Variants in ARHGAP24 observed in about 807,000 individuals in gnomAD.
ARHGAP24 encodes rho GTPase-activating protein 24.
ARHGAP24 carries 50 observed loss-of-function variants against 76.4 expected under a neutral mutation model. That is an observed-to-expected ratio of 0.65 (90% confidence interval 0.52 to 0.83). The LOEUF (loss-of-function observed/expected upper bound fraction) is 0.83, where lower values mean the gene tolerates loss of function less well. Ranked by LOEUF, ARHGAP24 falls within the 40% of genes least tolerant of loss-of-function variation. The probability of loss-of-function intolerance (pLI) is 0.00; values close to 1 mark genes in which losing one functional copy is unlikely to be tolerated. For synonymous variants in ARHGAP24, 345 were observed against 323.3 expected (o/e 1.07, Z -0.72); for missense variants, 930 against 914.2 (o/e 1.02, Z -0.22).
intron 1 of ARHGAP24, among the ~76,000 whole-genome samples, chr4:85,481,446 G>T (rs1284102762): frequency 6.6e-6 from 1 of 152,108 alleles, no homozygotes. Flanking sequence ...TCATGAACTG[G>T]CCTTGGAGCT....
chr4:85,744,755 G>C (rs1221805886), intron 3 of ARHGAP24, among the ~76,000 whole-genome samples: 1 of 152,162 alleles, frequency 6.6e-6, no homozygotes, highest in Non-Finnish European at 1.5e-5. Context: ...TTTCATATTG[G>C]TTTGGGATAT....
chr4:85,653,937 C>G (rs1051230255), intron 2 of ARHGAP24, among the ~76,000 whole-genome samples: 2 of 151,906 alleles, frequency 1.3e-5, no homozygotes, highest in East Asian at 1.9e-4. Context: ...TCTAAATATA[C>G]CATGTACTAC....
chr4:85,916,201 C>A (rs927506417), intron 3 of ARHGAP24, among the ~76,000 whole-genome samples: 6 of 152,044 alleles, frequency 3.9e-5, no homozygotes, highest in Admixed American at 3.3e-4. Flanking sequence ...GTTTGTTGGC[C>A]GCATAAATGT....
chr4:85,613,124 C>T (rs992522394), intron 2 of ARHGAP24, among the ~76,000 whole-genome samples: 1 of 152,040 alleles, frequency 6.6e-6, no homozygotes, highest in Non-Finnish European at 1.5e-5. Context: ...TTACAGTTTA[C>T]TATCCTGAAG....
intron 2 of ARHGAP24, among the ~76,000 whole-genome samples, chr4:85,678,882 C>T (rs192420644): frequency 3.7e-4 from 56 of 152,184 alleles, no homozygotes; most frequent in Non-Finnish European, 5.3e-4. Context: ...GAGAGGTGTC[C>T]GATGCATGCT....
intron 1 of ARHGAP24, among the ~76,000 whole-genome samples, chr4:85,496,248 A>C (rs1463603726): frequency 6.6e-6 from 1 of 152,232 alleles, no homozygotes; most frequent in Non-Finnish European, 1.5e-5. Flanking sequence ...AGTCATCAAT[A>C]TGGCATTTTC....
At chr4:85,955,349 A>G (rs1182663247) in intron 5 of ARHGAP24, among the ~76,000 whole-genome samples, 1 of 151,400 alleles carries the variant, frequency 6.6e-6, no homozygotes. Context: ...TAGGGTTGCC[A>G]TAAAAAAGCA....
chr4:85,628,897 A>G (rs1304074381), intron 2 of ARHGAP24, among the ~76,000 whole-genome samples: 1 of 152,198 alleles, frequency 6.6e-6, no homozygotes, highest in East Asian at 1.9e-4. Context: ...TGAGTTTCTT[A>G]TAGGCAAGGT....
intron 2 of ARHGAP24, among the ~76,000 whole-genome samples, chr4:85,633,718 A>G (rs1220673535): frequency 6.6e-6 from 1 of 151,766 alleles, no homozygotes; most frequent in Admixed American, 6.6e-5. Context: ...CTTTTAATTA[A>G]CTATTGTAAA....
intron 5 of ARHGAP24, among the ~76,000 whole-genome samples, chr4:85,971,207 A>C (rs976043731): frequency 1.3e-5 from 2 of 152,204 alleles, no homozygotes; most frequent in African/African-American, 2.4e-5. Flanking sequence ...CTAAGCTTCG[A>C]GTATCTATAG....
intron 1 of ARHGAP24, among the ~76,000 whole-genome samples, chr4:85,504,860 G>A (rs919976778): frequency 1.3e-5 from 2 of 152,170 alleles, no homozygotes; most frequent in African/African-American, 4.8e-5. Context: ...GCTGGCACCA[G>A]TTGTTCCTTT....
intron 3 of ARHGAP24, among the ~76,000 whole-genome samples, chr4:85,802,867 G>C (rs1728637505): frequency 6.6e-6 from 1 of 152,196 alleles, no homozygotes; most frequent in East Asian, 1.9e-4. Context: ...ATTTAAAGTA[G>C]TTAATATCCA....
At chr4:85,970,179 T>C (rs971986836) in intron 5 of ARHGAP24, among the ~76,000 whole-genome samples, 7 of 152,160 alleles carry the variant, frequency 4.6e-5, no homozygotes, top group African/African-American at 1.7e-4. Flanking sequence ...CACTCTGGGC[T>C]CTGACCTTCT....
rs183376118 is a variant in ARHGAP24, at chr4:85,785,392, C to T, written c.268+63420C>T. On this transcript the variant is annotated intron_variant, in intron 3 of 9. Coordinates refer to ENST00000395184, the MANE Select transcript of ARHGAP24 (RefSeq NM_001025616.3). ...TCAGATAATACCAATGGTCTTGGCC[C>T]GATTGCAAGTGGTGGTAAAACAAAG... 2.1e-3 allele frequency among the ~76,000 whole-genome samples: 312 copies of T among 152,070 alleles called. 4 individuals are homozygous for T. Among genetic ancestry groups the T allele is most frequent in the Non-Finnish European group, 3.6e-3 (243 of 67,990 alleles).
At chr4:85,688,755 A>G (rs542372988) in intron 2 of ARHGAP24, among the ~76,000 whole-genome samples, 2 of 152,286 alleles carry the variant, frequency 1.3e-5, no homozygotes, top group East Asian at 3.9e-4. Context: ...ATTTTTTTTA[A>G]GGTGAAAGGA....
At chr4:85,857,681 T>C (rs1398492127) in intron 3 of ARHGAP24, among the ~76,000 whole-genome samples, 1 of 152,210 alleles carries the variant, frequency 6.6e-6, no homozygotes, top group Non-Finnish European at 1.5e-5. Flanking sequence ...TCTCTCAGAC[T>C]GATAGAGACA....
intron 1 of ARHGAP24, among the ~76,000 whole-genome samples, chr4:85,485,003 G>T (rs1722963081): frequency 6.6e-6 from 1 of 151,988 alleles, no homozygotes; most frequent in Admixed American, 6.6e-5. Context: ...ATCCAGATTT[G>T]CTAGAAAAGA....
intron 4 of ARHGAP24, among the ~76,000 whole-genome samples, chr4:85,941,817 C>T (rs1736964435): frequency 6.6e-6 from 1 of 152,152 alleles, no homozygotes; most frequent in Admixed American, 6.5e-5. Context: ...ATCGATATCT[C>T]AAACTCAGTG....
At position 85,874,912 on chromosome 4, in the gene ARHGAP24, AAATATATTTATATATAATTTATATAT is replaced by A. The variant is rs1157143687; in HGVS notation, c.269-48726_269-48701del. ...AATATATTTTATATAATTTATATAT[AAATATATTTATATATAATTTATATAT>A]AATATATTTTTATATAATTTATATA... On this transcript the variant is annotated intron_variant, in intron 3 of 9. Transcript: ENST00000395184. Among the ~76,000 whole-genome samples the A allele has an allele frequency of 7.3e-4, 65 of 89,142 alleles. 13 individuals are homozygous for A. The highest frequency in any genetic ancestry group is 3.5e-3 in the East Asian group (12 of 3,476). 58.5% of individuals were successfully genotyped at this position (89,142 alleles called of 152,430 possible). A position where few individuals can be genotyped will look rare whatever the true frequency, so the allele number is the denominator to read the frequency against.
Sources: allele counts gnomAD v4.1 joint callset (sites outside exome capture counted in the v4.1 genomes callset), GRCh38; gene constraint gnomAD v4.1.1; transcripts MANE v1.5; gene names NCBI Gene and HGNC (gene_info 2026-07-23, HGNC 2026-07-21).